Variants in GRM4 observed in about 807,000 individuals in gnomAD.
The protein encoded by GRM4 is glutamate metabotropic receptor 4, also known as metabotropic glutamate receptor 4.
In GRM4, 28 loss-of-function variants were observed where a neutral mutation model predicts 81.7. The ratio of observed to expected loss-of-function variants is 0.34; its 90% CI spans 0.25 to 0.47. The LOEUF is 0.47. GRM4 is among the 20% of genes least tolerant of loss of function. The pLI, the probability that GRM4 is intolerant of heterozygous loss-of-function variation, is 1.00. For synonymous variants in GRM4, 488 were observed against 528.8 expected (o/e 0.92, Z 1.06); for missense variants, 948 against 1,290.0 (o/e 0.73, Z 4.06).
intron 3 of GRM4, among the ~76,000 whole-genome samples, chr6:34,073,278 CAGAT>C (rs1767110023): frequency 1.9e-4 from 1 of 5,316 alleles, no homozygotes. Flanking sequence ...CGTCACCACA[CAGAT>C]ACCACACACA....
chr6:34,028,105 G>C lies in GRM4; in HGVS notation c.2689+15C>G. On this transcript the variant is annotated intron_variant, in intron 10 of 10. Coordinates refer to ENST00000538487, the MANE Select transcript of GRM4 (RefSeq NM_000841.4). ...GCCTGGGGCCCGAGAGGGCAGAACG[G>C]GGCCAGGCACTCACCTGGGGCCTCA... is the stretch of plus-strand genomic sequence containing the variant. 6.2e-7 allele frequency: 1 copy of C among 1,605,212 alleles called. No homozygotes were observed. The highest frequency in any genetic ancestry group is 1.1e-5 in the South Asian group (1 of 90,438).
In GRM4 at chr6:34,110,950, C is replaced by T. The variant is rs910871670; in HGVS notation, c.520-18851G>A. The T allele has an allele frequency of 8.1e-6, 7 of 863,844 alleles. No individual in the cohort carries two copies. The Admixed American group carries it at 1.4e-4, about 17-fold the overall frequency. The allele number at this position is 863,844 out of a possible 1,614,324, so 53.5% of individuals were successfully genotyped here. On this transcript the variant is annotated intron_variant, in intron 2 of 10. Coordinates refer to ENST00000538487, the MANE Select transcript of GRM4 (RefSeq NM_000841.4). ...AAGGAACAGCCTCTCTCCAGGGGAA[C>T]GCTGTGCCCCACAGACTGCAAGGAG...
rs1179345075 is a variant in GRM4, at chr6:34,132,959, G to A, written c.519+19C>T. On this transcript the variant is annotated intron_variant, in intron 2 of 10. Transcript: ENST00000538487. ...CCGTTGGGGGAAGAGCACCTCAGGG[G>A]ACCAACCAAGGCACTGACCTTGAAG... is the stretch of plus-strand genomic sequence containing the variant. The A allele has an allele frequency of 4.5e-6, 7 of 1,566,142 alleles. No homozygotes were observed. Among genetic ancestry groups the A allele is most frequent in the African/African-American group, 1.4e-5 (1 of 73,876 alleles).
intron 6 of GRM4, among the ~76,000 whole-genome samples, chr6:34,044,094 AG>A (rs1765146734): frequency 6.7e-6 from 1 of 150,276 alleles, no homozygotes; most frequent in Non-Finnish European, 1.5e-5. Context: ...ACACACACAT[AG>A]ACATACATAC....
intron 6 of GRM4, among the ~76,000 whole-genome samples, chr6:34,053,377 G>A (rs1012439933): frequency 5.3e-5 from 8 of 152,136 alleles, no homozygotes; most frequent in African/African-American, 1.7e-4. Flanking sequence ...AACCAGAGCT[G>A]CCTGCCCCTC....
intron 1 of GRM4, among the ~76,000 whole-genome samples, chr6:34,144,505 A>G (rs1561838413): frequency 6.6e-6 from 1 of 152,182 alleles, no homozygotes; most frequent in African/African-American, 2.4e-5. Flanking sequence ...GGCTGCAGGG[A>G]GACCCCAGAC....
At chr6:34,129,731 T>A (rs757492485) in intron 2 of GRM4, among the ~76,000 whole-genome samples, 2 of 152,198 alleles carry the variant, frequency 1.3e-5, no homozygotes, top group Non-Finnish European at 2.9e-5. Flanking sequence ...CTTTGAGCCC[T>A]GCCCTGTCAT....
chr6:34,092,771 G>A lies in GRM4; in HGVS notation c.520-672C>T, dbSNP rs2127487211. ...GCCTCTCCAAGGCAGAGCCGACCCGGGGCCCTGCCCCAGCCCCGGGGCTTT... is the reference window on the plus strand; with the variant it reads ...GCCTCTCCAAGGCAGAGCCGACCCGAGGCCCTGCCCCAGCCCCGGGGCTTT... On this transcript the variant is annotated intron_variant, in intron 2 of 10. Transcript: ENST00000538487. This position sits in a 1 kb window ranked among gnomAD's most constrained non-coding sequence, Gnocchi z 6.8. Among the ~76,000 whole-genome samples, 1 of 152,118 alleles carries A rather than the reference G, an allele frequency of 6.6e-6. No homozygotes were observed. Among genetic ancestry groups the A allele is most frequent in the Middle Eastern group, 3.4e-3 (1 of 294 alleles).
chr6:34,083,647 G>A (rs368414632), intron 3 of GRM4, among the ~76,000 whole-genome samples: 7 of 152,188 alleles, frequency 4.6e-5, no homozygotes, highest in East Asian at 1.9e-4. Flanking sequence ...ACTCCCCTGC[G>A]TCCTGGGAAA....
At chr6:34,066,240 A>G (rs1561786067) in intron 3 of GRM4, among the ~76,000 whole-genome samples, 1 of 152,304 alleles carries the variant, frequency 6.6e-6, no homozygotes, top group Non-Finnish European at 1.5e-5. Flanking sequence ...AGACCCACAC[A>G]GAGTCGCTCA....
At chr6:34,095,752 T>C (rs895489718) in intron 2 of GRM4, among the ~76,000 whole-genome samples, 5 of 152,166 alleles carry the variant, frequency 3.3e-5, no homozygotes, top group South Asian at 2.1e-4. Flanking sequence ...GTTGTTGTCA[T>C]TGTCATTGTC....
intron 1 of GRM4, among the ~76,000 whole-genome samples, chr6:34,139,155 T>C (rs1301149298): frequency 6.6e-6 from 1 of 152,018 alleles, no homozygotes; most frequent in Non-Finnish European, 1.5e-5. Flanking sequence ...CCTTCCCCCG[T>C]GAGCTGCTCC....
intron 2 of GRM4, among the ~76,000 whole-genome samples, chr6:34,122,728 T>TTGTCTGTC (rs370079388): frequency 0.039 from 5,919 of 150,740 alleles, 224 homozygotes; most frequent in African/African-American, 0.089. Flanking sequence ...CTTCCCCGGT[T>TTGTCTGTC]TGTCTGTCTG....
intron 9 of GRM4, 107 bp from the exon 10 acceptor site, chr6:34,028,473 C>A: frequency 7.9e-7 from 1 of 1,268,548 alleles, no homozygotes; most frequent in Non-Finnish European, 1.1e-6. Flanking sequence ...TGCCTTCAGG[C>A]AGAAGGAAGT....
At position 34,106,033 on chromosome 6, in the gene GRM4, CCA is replaced by C. The variant is rs1218313744; in HGVS notation, c.520-13936_520-13935del. On this transcript the variant is annotated intron_variant, in intron 2 of 10. Coordinates refer to ENST00000538487, the MANE Select transcript of GRM4 (RefSeq NM_000841.4). Reference sequence around the variant, plus strand: ...CTCCGGCCTCCCACACTTGCCACTCCCACACACATGCACAGTGCACTCCCACC... The same window carrying C: ...CTCCGGCCTCCCACACTTGCCACTCCCACACATGCACAGTGCACTCCCACC... 9 of 152,502 alleles carry C rather than the reference CCA, an allele frequency of 5.9e-5. No individual in the cohort carries two copies. The East Asian group carries it at 1.7e-3, about 29-fold the overall frequency. 9.4% of individuals were successfully genotyped at this position (152,502 alleles called of 1,614,324 possible).
chr6:34,154,982 G>T (rs939373089), intron 1 of GRM4: 2 of 1,060,760 alleles, frequency 1.9e-6, no homozygotes, highest in Non-Finnish European at 2.6e-6. Context: ...GGGCGGGTCC[G>T]AGCGGGACCC....
At position 34,059,126 on chromosome 6, in the gene GRM4, C is replaced by T. The variant is rs750958549; in HGVS notation, c.875G>A (p.Arg292His). ...GGCCCTTCGTGCTGCCTCCAGCACA[C>T]GCCTGTAGGAACATACACCAGCCCA... Reference protein sequence around the residue: ...IIFANEDDIRRVLEAARRANQ... With the variant: ...IIFANEDDIRHVLEAARRANQ... The change falls in exon 5 of 11, where the codon CGT (arginine) becomes CAT (histidine). Residue 292 changes from arginine to histidine, a missense_variant and splice_region_variant. Arg to His is a conservative substitution (Grantham distance 29). Coordinates refer to ENST00000538487, the MANE Select transcript of GRM4 (RefSeq NM_000841.4). This position sits in a 1 kb window ranked among gnomAD's most constrained non-coding sequence, Gnocchi z 5.7. 1.9e-5 allele frequency: 30 copies of T among 1,613,138 alleles called. No individual in the cohort carries two copies. The highest frequency in any genetic ancestry group is 4.4e-5 in the South Asian group (4 of 91,074).
At chr6:34,122,393 G>A (rs1047567591) in intron 2 of GRM4, among the ~76,000 whole-genome samples, 6 of 152,040 alleles carry the variant, frequency 3.9e-5, no homozygotes, top group Admixed American at 6.6e-5. Flanking sequence ...CCGCAACAGC[G>A]CTGCGGGCCA....
chr6:34,061,772 CCT>C, intron 4 of GRM4, 119 bp downstream of exon 4: 1 of 1,069,908 alleles, frequency 9.3e-7, no homozygotes, highest in Admixed American at 2.0e-5. Flanking sequence ...CCAGCACCCA[CCT>C]CTCTGGATCC....
Sources: gnomAD v4.1 joint callset for allele counts (sites outside exome capture counted in the v4.1 genomes callset) on GRCh38, gnomAD v4.1.1 for gene constraint, Gnocchi (gnomAD v3.1) non-coding constraint, MANE v1.5 for transcripts, NCBI Gene and HGNC (gene_info 2026-07-23, HGNC 2026-07-21) for gene names.